ARHGAP20: variants seen among roughly 807,000 people sequenced by gnomAD.
ARHGAP20 encodes the protein rho GTPase-activating protein 20.
Under a neutral mutation model 73.7 loss-of-function variants are expected in ARHGAP20, and 34 were observed. The observed-to-expected ratio is 0.46, with a 90% CI of 0.35 to 0.61. The LOEUF is 0.61. ARHGAP20 is among the 20% of genes least tolerant of loss of function. The pLI, the probability that ARHGAP20 is intolerant of heterozygous loss-of-function variation, is 0.00. For synonymous variants in ARHGAP20, 523 were observed against 518.2 expected, an observed-to-expected ratio of 1.01 and a Z score of -0.13; for missense variants, 1,314 against 1,420.9, an observed-to-expected ratio of 0.92 and a Z score of 1.21.
In ARHGAP20 at chr11:110,577,820, T is replaced by TTCTA. The variant is rs1947328274; in HGVS notation, c.*1546_*1549dup. 2 of 985,680 alleles carry TTCTA rather than the reference T, an allele frequency of 2.0e-6. No homozygotes were observed. The highest frequency in any genetic ancestry group is 1.7e-5 in the African/African-American group (1 of 57,244). The allele number at this position is 985,680 out of a possible 1,614,324, so 61.1% of individuals were successfully genotyped here. On this transcript the variant is annotated 3_prime_UTR_variant, in exon 15 of 15. Coordinates refer to ENST00000683387, the MANE Select transcript of ARHGAP20 (RefSeq NM_001384657.1). ...CTATAGCTAATACTGAAATAACTTC[T>TTCTA]TCTATCTTAGAGAAAATATTTTTTC...
At chr11:110,707,855 A>ATTTTTT (rs1950576797) in intron 1 of ARHGAP20, among the ~76,000 whole-genome samples, 2 of 140,850 alleles carry the variant, frequency 1.4e-5, no homozygotes, top group South Asian at 2.3e-4. Context: ...CCATTTATTC[A>ATTTTTT]TTTTTTTGTT....
intron 4 of ARHGAP20, among the ~76,000 whole-genome samples, chr11:110,620,254 A>C (rs1318781652): frequency 2.0e-5 from 3 of 152,106 alleles, no homozygotes; most frequent in Admixed American, 1.3e-4. Flanking sequence ...GGCCTCAAGC[A>C]ATCCTCCACC....
chr11:110,708,452 T>TTTTA (rs35451867), intron 1 of ARHGAP20, among the ~76,000 whole-genome samples: 39,490 of 151,898 alleles, frequency 0.26, 5,330 homozygotes, highest in African/African-American at 0.34. Flanking sequence ...TTCACAGCAG[T>TTTTA]TTTGTGATAG....
At chr11:110,591,295 T>C (rs1947823283) in intron 10 of ARHGAP20, among the ~76,000 whole-genome samples, 1 of 152,216 alleles carries the variant, frequency 6.6e-6, no homozygotes, top group African/African-American at 2.4e-5. Context: ...ACTGAGGCTT[T>C]AAAACAATTT....
At chr11:110,620,606 T>G (rs1948608048) in intron 4 of ARHGAP20, among the ~76,000 whole-genome samples, 1 of 152,240 alleles carries the variant, frequency 6.6e-6, no homozygotes, top group African/African-American at 2.4e-5. Flanking sequence ...CCCTCTTGTC[T>G]TTCACTTCAG....
At chr11:110,591,621 T>G (rs937827249) in intron 10 of ARHGAP20, among the ~76,000 whole-genome samples, 1 of 152,244 alleles carries the variant, frequency 6.6e-6, no homozygotes, top group Non-Finnish European at 1.5e-5. Context: ...TTTAAAAACC[T>G]AAGTGTAGGA....
At chr11:110,691,150 CTTT>C (rs1950234936) in intron 1 of ARHGAP20, 5 of 520,758 alleles carry the variant, frequency 9.6e-6, no homozygotes, top group Non-Finnish European at 1.6e-5. Flanking sequence ...TCCAAATAGA[CTTT>C]TTTAAAACTG....
chr11:110,711,949 C>T, intron 1 of ARHGAP20, 178 bp downstream of exon 1: 1 of 1,252,900 alleles, frequency 8.0e-7, no homozygotes, highest in Non-Finnish European at 1.0e-6. Context: ...GGCGGCGGCG[C>T]TGCCGCTGGC....
At chr11:110,602,164 G>A (rs1445959654) in intron 9 of ARHGAP20, among the ~76,000 whole-genome samples, 3 of 152,060 alleles carry the variant, frequency 2.0e-5, no homozygotes, top group Non-Finnish European at 4.4e-5. Flanking sequence ...ACAAATTGCA[G>A]TGACCCTGTT....
At chr11:110,638,814 T>C (rs186601) in intron 2 of ARHGAP20, among the ~76,000 whole-genome samples, 71,880 of 151,332 alleles carry the variant, frequency 0.47, 18,334 homozygotes, top group African/African-American at 0.67. Flanking sequence ...AACACATGGA[T>C]GCAGGAAGGG....
At chr11:110,646,869 TA>T (rs1219857220) in intron 2 of ARHGAP20, among the ~76,000 whole-genome samples, 1 of 152,038 alleles carries the variant, frequency 6.6e-6, no homozygotes, top group East Asian at 1.9e-4. Flanking sequence ...GGGTATGGTT[TA>T]AACAGGGAAG....
In ARHGAP20 at chr11:110,712,266, G is replaced by C; in HGVS notation, c.-35C>G. 1.5e-6 allele frequency: 2 copies of C among 1,296,026 alleles called. No homozygotes were observed. Among genetic ancestry groups the C allele is most frequent in the South Asian group, 5.4e-5 (2 of 37,242 alleles). The allele number at this position is 1,296,026 out of a possible 1,614,324, so 80.3% of individuals were successfully genotyped here. A position where few individuals can be genotyped will look rare whatever the true frequency, so the allele number is the denominator to read the frequency against. On this transcript the variant is annotated 5_prime_UTR_variant, in exon 1 of 15. Coordinates refer to ENST00000683387, the MANE Select transcript of ARHGAP20 (RefSeq NM_001384657.1). Reference sequence around the variant, plus strand: ...CTTCAAACAAATCCCAGCCCAGGAGGAGGCTACACGATCATGTCCGCGGGC... The same window carrying C: ...CTTCAAACAAATCCCAGCCCAGGAGCAGGCTACACGATCATGTCCGCGGGC...
At chr11:110,684,004 C>G (rs1166477836) in intron 2 of ARHGAP20, among the ~76,000 whole-genome samples, 1 of 152,120 alleles carries the variant, frequency 6.6e-6, no homozygotes, top group Non-Finnish European at 1.5e-5. Context: ...GTAAGAGATG[C>G]CATGTTAGAA....
chr11:110,586,112 T>G, intron 12 of ARHGAP20, 104 bp downstream of exon 12: 1 of 528,050 alleles, frequency 1.9e-6, no homozygotes, highest in Non-Finnish European at 3.1e-6. Flanking sequence ...ATTTTTAAAC[T>G]GGTCCACATG....
intron 2 of ARHGAP20, among the ~76,000 whole-genome samples, chr11:110,635,530 A>C (rs1338413530): frequency 6.6e-6 from 1 of 152,118 alleles, no homozygotes; most frequent in African/African-American, 2.4e-5. Flanking sequence ...ACTTCAGCTA[A>C]GTTGAACTTT....
In ARHGAP20 at chr11:110,681,486, C is replaced by T. The variant is rs116798017; in HGVS notation, c.188+9061G>A. Among the ~76,000 whole-genome samples, 287 of 152,236 alleles carry T rather than the reference C, an allele frequency of 1.9e-3. 1 individual carries two copies. The highest frequency in any genetic ancestry group is 6.6e-3 in the African/African-American group (273 of 41,536). On this transcript the variant is annotated intron_variant, in intron 2 of 14. Transcript: ENST00000683387. ...CATTACTATATCTGAAAGGTCCACACTAAACTGTCACAGGTAAAGGCAGTT... is the reference window on the plus strand; with the variant it reads ...CATTACTATATCTGAAAGGTCCACATTAAACTGTCACAGGTAAAGGCAGTT...
chr11:110,587,577 C>G (rs73553949), intron 11 of ARHGAP20, among the ~76,000 whole-genome samples: 2 of 152,184 alleles, frequency 1.3e-5, no homozygotes, highest in Admixed American at 1.3e-4. Context: ...AGGGTAGGGA[C>G]AGACCCTTCT....
chr11:110,600,588 T>G (rs624336), intron 9 of ARHGAP20, among the ~76,000 whole-genome samples: 53,404 of 152,186 alleles, frequency 0.35, 12,505 homozygotes, highest in African/African-American at 0.67. Context: ...CTGCAAGGCC[T>G]AGTGGGTGGA....
At chr11:110,662,690 A>C (rs1019753781) in intron 2 of ARHGAP20, among the ~76,000 whole-genome samples, 14 of 151,994 alleles carry the variant, frequency 9.2e-5, no homozygotes, top group Admixed American at 2.6e-4. Flanking sequence ...GACTAGGTTT[A>C]ATTTAAACAA....
Sources: allele counts gnomAD v4.1 joint callset (sites outside exome capture counted in the v4.1 genomes callset), GRCh38; gene constraint gnomAD v4.1.1; transcripts MANE v1.5; gene names NCBI Gene and HGNC (gene_info 2026-07-23, HGNC 2026-07-21).